Variants in DLG2 observed in about 807,000 individuals in gnomAD.
The protein encoded by DLG2 is discs large MAGUK scaffold protein 2, also known as disks large homolog 2.
Under a neutral mutation model 132.5 loss-of-function variants are expected in DLG2, and 45 were observed. The ratio of observed to expected loss-of-function variants is 0.34; its 90% CI spans 0.27 to 0.44. The LOEUF is 0.44. Ranked by LOEUF, DLG2 falls within the 20% of genes least tolerant of loss-of-function variation. The pLI is 1.00. For missense variants in DLG2, 1,045 were observed against 1,196.9 expected, an observed-to-expected ratio of 0.87 and a Z score of 1.87; for synonymous variants, 424 against 419.6, an observed-to-expected ratio of 1.01 and a Z score of -0.13.
Position 84,095,168 on chromosome 11 carries a change from T to A in DLG2, c.749+3755A>T, listed in dbSNP as rs374399133. Among the ~76,000 whole-genome samples the A allele has an allele frequency of 9.2e-5, 14 of 151,496 alleles. 1 individual carries two copies. Among genetic ancestry groups the A allele is most frequent in the African/African-American group, 3.4e-4 (14 of 41,280 alleles). On this transcript the variant is annotated intron_variant, in intron 10 of 27. Transcript: ENST00000376104. ...GTAGAAGGTATAATAGGAAAGGGGA[T>A]AGAGAAGAAAAGGAACAGAGGCAAG... is the stretch of plus-strand genomic sequence containing the variant.
At chr11:85,295,076 T>C (rs2079135193) in intron 3 of DLG2, among the ~76,000 whole-genome samples, 3 of 152,164 alleles carry the variant, frequency 2.0e-5, no homozygotes, top group African/African-American at 7.2e-5. Flanking sequence ...CTTACACTTA[T>C]AGCACTTATA....
At chr11:84,040,938 T>A (rs1043007943) in intron 11 of DLG2, among the ~76,000 whole-genome samples, 3 of 151,848 alleles carry the variant, frequency 2.0e-5, no homozygotes, top group Non-Finnish European at 2.9e-5. Context: ...GTCCTTCATA[T>A]CCCTTGTAAG....
chr11:84,481,659 C>G (rs1038157008), intron 7 of DLG2, among the ~76,000 whole-genome samples: 3 of 152,166 alleles, frequency 2.0e-5, no homozygotes, highest in African/African-American at 7.2e-5. Context: ...AAACCTCAGT[C>G]CACCCTTCCA....
At chr11:85,308,305 G>T (rs1434392962) in intron 3 of DLG2, among the ~76,000 whole-genome samples, 1 of 150,956 alleles carries the variant, frequency 6.6e-6, no homozygotes, top group African/African-American at 2.4e-5. Flanking sequence ...CACAAAATAT[G>T]CTAGTTATCC....
intron 7 of DLG2, among the ~76,000 whole-genome samples, chr11:84,434,918 G>GAAAAAAAAAAAAAAAAAAAAAAAAAA: frequency 1.3e-5 from 1 of 79,262 alleles, no homozygotes; most frequent in Non-Finnish European, 2.7e-5. Flanking sequence ...GTCACCTACT[G>GAAAAAAAAAAAAAAAAAAAAAAAAAA]AAAAAAAAAA....
At chr11:83,837,601 T>A (rs1272808417) in intron 16 of DLG2, among the ~76,000 whole-genome samples, 6 of 151,802 alleles carry the variant, frequency 4.0e-5, no homozygotes, top group African/African-American at 1.2e-4. Flanking sequence ...TCTATTAGTC[T>A]ACCTGTTTTT....
intron 18 of DLG2, among the ~76,000 whole-genome samples, chr11:83,780,934 T>C (rs915486474): frequency 6.6e-6 from 1 of 152,146 alleles, no homozygotes; most frequent in Non-Finnish European, 1.5e-5. Flanking sequence ...TCTCCAAGTA[T>C]GTTAGGGCAA....
chr11:84,154,856 C>G (rs2095394954), intron 9 of DLG2, among the ~76,000 whole-genome samples: 1 of 152,130 alleles, frequency 6.6e-6, no homozygotes, highest in Non-Finnish European at 1.5e-5. Context: ...GCATAGTATT[C>G]CATGGTGTAT....
chr11:84,283,172 CA>C (rs1187974460), intron 7 of DLG2, among the ~76,000 whole-genome samples: 1 of 152,134 alleles, frequency 6.6e-6, no homozygotes, highest in African/African-American at 2.4e-5. Context: ...AAAATTATAA[CA>C]ATGCATATCT....
chr11:84,676,578 T>C (rs756954549), intron 6 of DLG2, among the ~76,000 whole-genome samples: 29 of 152,182 alleles, frequency 1.9e-4, no homozygotes, highest in East Asian at 3.9e-4. Flanking sequence ...TTTATACATA[T>C]AGAGCAGTTC....
At chr11:83,776,093 A>AAAAT (rs370475515) in intron 18 of DLG2, among the ~76,000 whole-genome samples, 7 of 151,640 alleles carry the variant, frequency 4.6e-5, no homozygotes, top group Admixed American at 1.3e-4. Flanking sequence ...CTCTGTCTCA[A>AAAAT]AAATAAATAA....
chr11:83,861,429 C>T (rs112723200), intron 16 of DLG2, among the ~76,000 whole-genome samples: 3 of 152,276 alleles, frequency 2.0e-5, no homozygotes, highest in African/African-American at 7.2e-5. Flanking sequence ...ATCTGCACTG[C>T]TATGTTTGTT....
At chr11:84,086,604 C>T (rs2096986581) in intron 10 of DLG2, among the ~76,000 whole-genome samples, 1 of 151,602 alleles carries the variant, frequency 6.6e-6, no homozygotes, top group African/African-American at 2.4e-5. Flanking sequence ...ATCCTCCCAC[C>T]TTAGCCTCCC....
intron 6 of DLG2, among the ~76,000 whole-genome samples, chr11:84,782,690 A>G (rs148324659): frequency 7.4e-4 from 113 of 152,292 alleles, no homozygotes; most frequent in African/African-American, 2.7e-3. Flanking sequence ...TGTTTGTGAA[A>G]TATCTATTAC....
chr11:85,060,078 A>G (rs2063889444), intron 6 of DLG2, among the ~76,000 whole-genome samples: 1 of 151,472 alleles, frequency 6.6e-6, no homozygotes, highest in Non-Finnish European at 1.5e-5. Flanking sequence ...CTTTACATCC[A>G]TTAAAGAAAA....
intron 3 of DLG2, among the ~76,000 whole-genome samples, chr11:85,415,852 A>G (rs1176513965): frequency 6.7e-6 from 1 of 149,938 alleles, no homozygotes; most frequent in Non-Finnish European, 1.5e-5. Flanking sequence ...ACTAAACTAA[A>G]GAGTGGAAGC....
At chr11:85,393,586 G>A (rs113106765) in intron 3 of DLG2, among the ~76,000 whole-genome samples, 1 of 151,332 alleles carries the variant, frequency 6.6e-6, no homozygotes, top group African/African-American at 2.4e-5. Context: ...CAATCAACAA[G>A]TGGATAAAGA....
At chr11:83,668,227 A>C (rs2076078064) in intron 18 of DLG2, among the ~76,000 whole-genome samples, 1 of 152,082 alleles carries the variant, frequency 6.6e-6, no homozygotes, top group African/African-American at 2.4e-5. Flanking sequence ...AACAAGGTAG[A>C]ATGGAGGGCT....
intron 7 of DLG2, among the ~76,000 whole-genome samples, chr11:84,531,083 TC>T (rs2099338093): frequency 6.6e-6 from 1 of 151,898 alleles, no homozygotes; most frequent in Non-Finnish European, 1.5e-5. Flanking sequence ...GCCACTGCAC[TC>T]CAGCCTGGGT....
Sources: allele counts gnomAD v4.1 joint callset (sites outside exome capture counted in the v4.1 genomes callset), GRCh38; gene constraint gnomAD v4.1.1; transcripts MANE v1.5; gene names NCBI Gene and HGNC (gene_info 2026-07-23, HGNC 2026-07-21).